Variants in KCTD8 observed in about 807,000 individuals in gnomAD.
The protein encoded by KCTD8 is potassium channel tetramerization domain containing 8.
A neutral mutation model predicts 31.5 loss-of-function variants in KCTD8; 27 were observed. The observed-to-expected ratio is 0.86, with a 90% CI of 0.63 to 1.18. The LOEUF (loss-of-function observed/expected upper bound fraction) is 1.18. Ranked by LOEUF, KCTD8 falls within the 50% of genes most tolerant of loss-of-function variation. The pLI is 0.00. For synonymous variants in KCTD8, 290 were observed against 280.0 expected, an observed-to-expected ratio of 1.04 and a Z score of -0.36; for missense variants, 658 against 647.7, an observed-to-expected ratio of 1.02 and a Z score of -0.17.
At chr4:44,297,343 C>G (rs907248120) in intron 1 of KCTD8, among the ~76,000 whole-genome samples, 6 of 152,012 alleles carry the variant, frequency 3.9e-5, no homozygotes, top group African/African-American at 1.4e-4. Flanking sequence ...TGTTTTTCAT[C>G]CAAAAAGCTT....
chr4:44,196,646 C>G (rs570343596), intron 1 of KCTD8, among the ~76,000 whole-genome samples: 3 of 152,228 alleles, frequency 2.0e-5, no homozygotes, highest in African/African-American at 7.2e-5. Flanking sequence ...GGGCAGCCAC[C>G]CACCTGGGAC....
In KCTD8 at chr4:44,326,747, T is replaced by C. The variant is rs369875756; in HGVS notation, c.961+120816A>G. Among the ~76,000 whole-genome samples, 4 of 151,946 alleles carry C rather than the reference T, an allele frequency of 2.6e-5. No homozygotes were observed. The East Asian group carries it at 7.7e-4, about 29-fold the overall frequency. ...TTAGGTTTTTTCTCTTCTGGTTATT[T>C]ACTATGTATATCCATGACTAATACT... On this transcript the variant is annotated intron_variant, in intron 1 of 1. Coordinates refer to ENST00000360029, the MANE Select transcript of KCTD8 (RefSeq NM_198353.3).
intron 1 of KCTD8, among the ~76,000 whole-genome samples, chr4:44,350,351 G>A (rs1302438669): frequency 2.6e-5 from 4 of 152,014 alleles, no homozygotes; most frequent in African/African-American, 7.2e-5. Context: ...GCCAAAACTA[G>A]AACTAAAACT....
At chr4:44,447,047 C>T (rs529292969) in intron 1 of KCTD8, among the ~76,000 whole-genome samples, 2 of 152,330 alleles carry the variant, frequency 1.3e-5, no homozygotes, top group African/African-American at 4.8e-5. Context: ...CCACCCGTAA[C>T]TGGAGGCTCC....
intron 1 of KCTD8, among the ~76,000 whole-genome samples, chr4:44,356,375 T>C (rs1309962848): frequency 6.6e-6 from 1 of 152,212 alleles, no homozygotes; most frequent in Non-Finnish European, 1.5e-5. Flanking sequence ...AGACTAAGCA[T>C]TATAAATTGA....
chr4:44,369,573 A>C (rs1719730066), intron 1 of KCTD8, among the ~76,000 whole-genome samples: 1 of 152,358 alleles, frequency 6.6e-6, no homozygotes, highest in African/African-American at 2.4e-5. Flanking sequence ...TGGGAGGCCA[A>C]GGTGGGTGGA....
intron 1 of KCTD8, among the ~76,000 whole-genome samples, chr4:44,254,985 A>C (rs1577577261): frequency 6.6e-6 from 1 of 151,910 alleles, no homozygotes; most frequent in African/African-American, 2.4e-5. Flanking sequence ...CCAGTGTCCT[A>C]GGGGTTTCCA....
At chr4:44,383,139 C>A (rs77054237) in intron 1 of KCTD8, among the ~76,000 whole-genome samples, 7,516 of 151,250 alleles carry the variant, frequency 0.05, 624 homozygotes, top group African/African-American at 0.17. Context: ...TGCAAAAAAA[C>A]CTATAAAACG....
chr4:44,391,696 T>G (rs911832163), intron 1 of KCTD8, among the ~76,000 whole-genome samples: 6 of 151,854 alleles, frequency 4.0e-5, no homozygotes, highest in African/African-American at 1.2e-4. Context: ...AGTTAAGTTT[T>G]GGGGGAGTCA....
intron 1 of KCTD8, among the ~76,000 whole-genome samples, chr4:44,427,899 T>C (rs1721386432): frequency 6.6e-6 from 1 of 151,822 alleles, no homozygotes; most frequent in African/African-American, 2.4e-5. Flanking sequence ...TACAAGAGTA[T>C]TCCAAATGAT....
chr4:44,255,637 G>A (rs1715968450), intron 1 of KCTD8, among the ~76,000 whole-genome samples: 1 of 151,706 alleles, frequency 6.6e-6, no homozygotes, highest in South Asian at 2.1e-4. Flanking sequence ...AAGAAAATGA[G>A]TCTTTTGATC....
intron 1 of KCTD8, 98 bp from the exon 2 acceptor site, chr4:44,175,348 G>T: frequency 1.4e-6 from 1 of 735,212 alleles, no homozygotes; most frequent in Non-Finnish European, 2.1e-6. Flanking sequence ...TTTAAACCAA[G>T]AACATTTATT....
At chr4:44,293,741 G>A in intron 1 of KCTD8, 1 of 436,760 alleles carries the variant, frequency 2.3e-6, no homozygotes. Flanking sequence ...AATGGAAAAA[G>A]TTGTTGAAAA....
intron 1 of KCTD8, among the ~76,000 whole-genome samples, chr4:44,273,333 A>G (rs1453447514): frequency 6.6e-6 from 1 of 152,006 alleles, no homozygotes; most frequent in Non-Finnish European, 1.5e-5. Context: ...TTTACAGCCA[A>G]AAATGCATAT....
intron 1 of KCTD8, among the ~76,000 whole-genome samples, chr4:44,307,288 A>G (rs539382311): frequency 6.6e-6 from 1 of 152,004 alleles, no homozygotes; most frequent in East Asian, 1.9e-4. Context: ...AGTAATAATA[A>G]TCACATAATT....
intron 1 of KCTD8, among the ~76,000 whole-genome samples, chr4:44,262,337 T>A (rs974389504): frequency 3.9e-5 from 6 of 151,908 alleles, no homozygotes; most frequent in Non-Finnish European, 8.8e-5. Flanking sequence ...GTGAGAGAGA[T>A]ATAAGCCCCA....
intron 1 of KCTD8, among the ~76,000 whole-genome samples, chr4:44,266,207 C>T (rs1716352934): frequency 6.6e-6 from 1 of 152,148 alleles, no homozygotes; most frequent in South Asian, 2.1e-4. Context: ...AGCAGAAACT[C>T]TACAAGCCAG....
intron 1 of KCTD8, among the ~76,000 whole-genome samples, chr4:44,247,461 C>T (rs1039504823): frequency 3.3e-5 from 5 of 151,092 alleles, no homozygotes; most frequent in Admixed American, 1.3e-4. Context: ...TGTGTGTGTG[C>T]GTGTGTGTGT....
At chr4:44,199,056 G>A (rs546987901) in intron 1 of KCTD8, among the ~76,000 whole-genome samples, 1 of 151,582 alleles carries the variant, frequency 6.6e-6, no homozygotes, top group African/African-American at 2.4e-5. Context: ...GACAAAGAAG[G>A]GCATTATATA....
Sources: allele counts gnomAD v4.1 joint callset (sites outside exome capture counted in the v4.1 genomes callset), GRCh38; gene constraint gnomAD v4.1.1; transcripts MANE v1.5; gene names NCBI Gene and HGNC (gene_info 2026-07-23, HGNC 2026-07-21).